RPGRIP1: variants seen among roughly 807,000 people sequenced by gnomAD.
RPGRIP1 encodes RPGR interacting protein 1.
A neutral mutation model predicts 157.9 loss-of-function variants in RPGRIP1; 128 were observed. The ratio of observed to expected loss-of-function variants is 0.81; its 90% CI spans 0.70 to 0.94. The LOEUF (loss-of-function observed/expected upper bound fraction) is 0.94, where lower values mean the gene tolerates loss of function less well. RPGRIP1 is among the 40% of genes least tolerant of loss of function. The pLI is 0.00. For missense variants in RPGRIP1, 1,486 were observed against 1,545.8 expected, an observed-to-expected ratio of 0.96 and a Z score of 0.65; for synonymous variants, 554 against 571.6, an observed-to-expected ratio of 0.97 and a Z score of 0.44.
chr14:21,332,316 T>G (rs763149681), intron 20 of RPGRIP1, among the ~76,000 whole-genome samples: 2 of 152,162 alleles, frequency 1.3e-5, no homozygotes, highest in Non-Finnish European at 2.9e-5. Context: ...ATTTTTCTCA[T>G]GAGAAGGATA....
At chr14:21,290,652 A>G (rs1261989099) in intron 2 of RPGRIP1, among the ~76,000 whole-genome samples, 2 of 151,914 alleles carry the variant, frequency 1.3e-5, no homozygotes, top group African/African-American at 2.4e-5. Context: ...CGTCTCTACT[A>G]AAAAATACAA....
chr14:21,329,575 C>T (rs1445735844), intron 19 of RPGRIP1, among the ~76,000 whole-genome samples: 8 of 148,136 alleles, frequency 5.4e-5, no homozygotes, highest in African/African-American at 1.5e-4. Context: ...GACCTCGGCT[C>T]ACTGCAACCT....
At chr14:21,300,916 AAAT>A (rs768881549) in intron 3 of RPGRIP1, 47 bp from the exon 4 acceptor site, 2 of 1,588,564 alleles carry the variant, frequency 1.3e-6, no homozygotes, top group East Asian at 2.2e-5. Context: ...TAACCCGTAG[AAAT>A]AATAACTGTC....
intron 2 of RPGRIP1, among the ~76,000 whole-genome samples, chr14:21,291,906 C>G (rs529026574): frequency 2.6e-5 from 4 of 152,014 alleles, no homozygotes; most frequent in Non-Finnish European, 5.9e-5. Flanking sequence ...ATTACAGGCA[C>G]GTGTCACCAC....
chr14:21,326,430 A>C lies in RPGRIP1; in HGVS notation c.2710+257A>C, dbSNP rs147417659. 5.9e-5 allele frequency among the ~76,000 whole-genome samples: 9 copies of C among 152,324 alleles called. No homozygotes were observed. The East Asian group carries it at 1.5e-3, about 26-fold the overall frequency. ...GGGTAGAGCCAGCAACCTGAATTCT[A>C]TACCTCTGTATCTGAATAAACTTCT... On this transcript the variant is annotated intron_variant, in intron 17 of 24. Transcript: ENST00000400017.
chr14:21,345,694 C>T (rs905424510), intron 23 of RPGRIP1, among the ~76,000 whole-genome samples: 26 of 152,084 alleles, frequency 1.7e-4, no homozygotes, highest in African/African-American at 6.3e-4. Flanking sequence ...CGTGAGCCAC[C>T]GTGTCCAGCC....
chr14:21,317,517 T>C, intron 10 of RPGRIP1, 179 bp from the exon 11 acceptor site: 2 of 1,477,580 alleles, frequency 1.4e-6, no homozygotes, highest in Non-Finnish European at 1.8e-6. Context: ...AATAACTCAG[T>C]AGGACTCAAA....
At chr14:21,336,021 A>T (rs1252338347) in intron 21 of RPGRIP1, among the ~76,000 whole-genome samples, 1 of 152,210 alleles carries the variant, frequency 6.6e-6, no homozygotes, top group Admixed American at 6.5e-5. Context: ...GAAACATTAA[A>T]TAAGAATGTA....
chr14:21,328,381 T>TA, intron 18 of RPGRIP1, 43 bp from the exon 19 acceptor site: 1 of 1,463,368 alleles, frequency 6.8e-7, no homozygotes, highest in Non-Finnish European at 9.4e-7. Flanking sequence ...TCTAGGTTGT[T>TA]AAACTACCAG....
chr14:21,339,051 G>T (rs1038725570), intron 21 of RPGRIP1, among the ~76,000 whole-genome samples: 6 of 152,150 alleles, frequency 3.9e-5, no homozygotes, highest in Non-Finnish European at 8.8e-5. Flanking sequence ...CAGGAGAATC[G>T]CTTGAGCCCA....
At chr14:21,308,335 G>A (rs990122207) in intron 7 of RPGRIP1, among the ~76,000 whole-genome samples, 3 of 152,198 alleles carry the variant, frequency 2.0e-5, no homozygotes, top group Non-Finnish European at 2.9e-5. Context: ...TGGAAATAGA[G>A]TATCAAGGGT....
chr14:21,331,465 T>C (rs1329857982), intron 20 of RPGRIP1, among the ~76,000 whole-genome samples: 3 of 152,040 alleles, frequency 2.0e-5, no homozygotes, highest in East Asian at 3.9e-4. Flanking sequence ...GAGGTTGCAG[T>C]GAGCTGAGAT....
chr14:21,282,358 T>A (rs919222341), intron 1 of RPGRIP1, among the ~76,000 whole-genome samples: 8 of 151,738 alleles, frequency 5.3e-5, no homozygotes, highest in African/African-American at 1.9e-4. Context: ...TGCCTCAGCC[T>A]CCTGAGTACC....
At chr14:21,308,876 A>C (rs1315528732) in intron 7 of RPGRIP1, among the ~76,000 whole-genome samples, 1 of 152,126 alleles carries the variant, frequency 6.6e-6, no homozygotes, top group Non-Finnish European at 1.5e-5. Context: ...CCTGTGGAAA[A>C]AACTGGCCCT....
intron 1 of RPGRIP1, among the ~76,000 whole-genome samples, chr14:21,286,446 T>C (rs1036941179): frequency 4.0e-5 from 6 of 149,272 alleles, no homozygotes; most frequent in East Asian, 3.9e-4. Context: ...AAAATTCCTG[T>C]TGGGGAAAAG....
In RPGRIP1 at chr14:21,303,333, T is replaced by C; in HGVS notation, c.590T>C (p.Val197Ala). 1 of 1,609,352 alleles carries C rather than the reference T, an allele frequency of 6.2e-7. No individual in the cohort carries two copies. Among genetic ancestry groups the C allele is most frequent in the Non-Finnish European group, 8.5e-7 (1 of 1,176,662 alleles). The change falls in exon 6 of 25, where the codon GTT becomes GCT. Residue 197 changes from valine to alanine, a missense_variant and splice_region_variant. By Grantham distance (64) the Val-to-Ala change is moderately conservative. Transcript: ENST00000400017. ...CTAAGTATCCTTTTTGTATTTAGTG[T>C]TTCTGGTTCTAACAGCATAATTTCT... Reference protein sequence around the residue: ...GEVASKPSELVSGSNSIISFS... With the variant: ...GEVASKPSELASGSNSIISFS...
At chr14:21,346,054 T>G (rs1885535783) in intron 23 of RPGRIP1, among the ~76,000 whole-genome samples, 3 of 151,950 alleles carry the variant, frequency 2.0e-5, no homozygotes, top group Admixed American at 1.3e-4. Flanking sequence ...CAGGTGATCC[T>G]TCTGCCTCAG....
rs202128771 is a variant in RPGRIP1, at chr14:21,312,692, C to CT, written c.1151+200dup. Among the ~76,000 whole-genome samples the CT allele has an allele frequency of 3.8e-3, 547 of 142,796 alleles. 1 individual carries two copies. The highest frequency in any genetic ancestry group is 8.0e-3 in the African/African-American group (315 of 39,244). The allele number at this position is 142,796 out of a possible 152,430, so 93.7% of individuals were successfully genotyped here. A position where few individuals can be genotyped will look rare whatever the true frequency, so the allele number is the denominator to read the frequency against. On this transcript the variant is annotated intron_variant, in intron 10 of 24. Coordinates refer to ENST00000400017, the MANE Select transcript of RPGRIP1 (RefSeq NM_020366.4). The stretch of plus-strand genomic sequence containing the variant: ...TTAAAATGTTAAATGTGCATATCCT[C>CT]TTTTTTTTTTTTTTGAGATGGAGTC...
rs751972216 is a variant in RPGRIP1, at chr14:21,321,970, A to G, written c.1728A>G (p.Glu576=). 5 of 1,613,708 alleles carry G rather than the reference A, an allele frequency of 3.1e-6. No individual in the cohort carries two copies. Among genetic ancestry groups the G allele is most frequent in the Non-Finnish European group, 4.2e-6 (5 of 1,179,788 alleles). ...AGAATAACCGTATCAAGCAGCTGGA[A>G]GGTATTTTAAGAAGCCATGACCTTC... ...DLKNNRIKQL[E]GILRSHDLPT... The change falls in exon 14 of 25, where the codon GAA becomes GAG. Residue 576 remains glutamate, a synonymous_variant. Transcript: ENST00000400017.
Sources: allele counts gnomAD v4.1 joint callset (sites outside exome capture counted in the v4.1 genomes callset), GRCh38; gene constraint gnomAD v4.1.1; transcripts MANE v1.5; gene names NCBI Gene and HGNC (gene_info 2026-07-23, HGNC 2026-07-21).